The following PLS1 variants were observed in gnomAD, a reference collection of about 807,000 sequenced individuals.
The protein encoded by PLS1 is plastin 1.
In PLS1, 32 loss-of-function variants were observed where a neutral mutation model predicts 73.7. That is an observed-to-expected ratio of 0.43 (90% CI 0.33 to 0.58). The LOEUF is 0.58. Ranked by LOEUF, PLS1 falls within the 20% of genes least tolerant of loss-of-function variation. The pLI is 0.04. For missense variants in PLS1, 633 were observed against 740.5 expected, an observed-to-expected ratio of 0.85 and a Z score of 1.68; for synonymous variants, 217 against 261.3, an observed-to-expected ratio of 0.83 and a Z score of 1.63.
At chr3:142,608,399 A>T (rs1458450821) in intron 1 of PLS1, among the ~76,000 whole-genome samples, 2 of 152,232 alleles carry the variant, frequency 1.3e-5, no homozygotes, top group African/African-American at 4.8e-5. Flanking sequence ...AGAAATTCAC[A>T]TTAACTTTTA....
At chr3:142,625,037 C>T (rs1407687201) in intron 1 of PLS1, among the ~76,000 whole-genome samples, 1 of 152,016 alleles carries the variant, frequency 6.6e-6, no homozygotes, top group Non-Finnish European at 1.5e-5. Context: ...TGCATAGCTA[C>T]AAATGTTACT....
intron 1 of PLS1, among the ~76,000 whole-genome samples, chr3:142,602,500 A>G (rs974098546): frequency 3.9e-5 from 6 of 152,072 alleles, no homozygotes; most frequent in East Asian, 3.9e-4. Context: ...TTCTCCCCCA[A>G]TTTTTAAGAT....
At chr3:142,706,842 G>C (rs1022238667) in intron 14 of PLS1, among the ~76,000 whole-genome samples, 1 of 152,134 alleles carries the variant, frequency 6.6e-6, no homozygotes, top group Non-Finnish European at 1.5e-5. Context: ...TGGGTAACCG[G>C]AAAACAGATA....
At chr3:142,681,049 T>C (rs73002066) in intron 6 of PLS1, among the ~76,000 whole-genome samples, 4,243 of 152,294 alleles carry the variant, frequency 0.028, 204 homozygotes, top group African/African-American at 0.097. Flanking sequence ...GAGTCTTCTA[T>C]AGAAAGCTAG....
chr3:142,611,585 G>A (rs771150262), intron 1 of PLS1, among the ~76,000 whole-genome samples: 1 of 152,108 alleles, frequency 6.6e-6, no homozygotes, highest in Non-Finnish European at 1.5e-5. Context: ...TTGTACCACT[G>A]TACTGCAACC....
intron 15 of PLS1, 79 bp downstream of exon 15, chr3:142,711,704 T>TA: frequency 1.5e-6 from 2 of 1,346,412 alleles, no homozygotes; most frequent in Non-Finnish European, 2.0e-6. Context: ...ACTATGCCCT[T>TA]AAAATTCATA....
intron 1 of PLS1, among the ~76,000 whole-genome samples, chr3:142,606,447 T>G (rs1446905335): frequency 4.6e-5 from 7 of 152,240 alleles, no homozygotes; most frequent in Admixed American, 3.3e-4. Flanking sequence ...ACACATGACA[T>G]TGTTTTTAAA....
chr3:142,693,867 G>A (rs902014128), intron 10 of PLS1, among the ~76,000 whole-genome samples: 1 of 151,980 alleles, frequency 6.6e-6, no homozygotes, highest in Non-Finnish European at 1.5e-5. Flanking sequence ...TGTTCCTTAT[G>A]TATTTTCAGT....
chr3:142,683,066 A>G (rs936551726), intron 6 of PLS1, among the ~76,000 whole-genome samples: 5 of 152,220 alleles, frequency 3.3e-5, no homozygotes, highest in African/African-American at 1.2e-4. Context: ...TCAATAAATC[A>G]CTTCAGCACA....
intron 1 of PLS1, among the ~76,000 whole-genome samples, chr3:142,628,170 T>G (rs1332476486): frequency 1.3e-5 from 2 of 152,196 alleles, no homozygotes; most frequent in Non-Finnish European, 2.9e-5. Flanking sequence ...AGGAGTCAGT[T>G]CGGTTTTTTG....
intron 1 of PLS1, among the ~76,000 whole-genome samples, chr3:142,623,033 G>A (rs1263348410): frequency 6.6e-6 from 1 of 152,028 alleles, no homozygotes; most frequent in Non-Finnish European, 1.5e-5. Flanking sequence ...ATCATAGCAC[G>A]CTACAGCCTT....
intron 1 of PLS1, among the ~76,000 whole-genome samples, chr3:142,662,289 C>T (rs573282501): frequency 6.6e-6 from 1 of 152,282 alleles, no homozygotes; most frequent in Admixed American, 6.5e-5. Context: ...TGGAAACCAT[C>T]ATTCTCAGCA....
chr3:142,602,135 C>G (rs1355015726), intron 1 of PLS1, among the ~76,000 whole-genome samples: 2 of 143,032 alleles, frequency 1.4e-5, no homozygotes, highest in African/African-American at 2.6e-5. Context: ...TCCACTTAGT[C>G]TTTATCTCCT....
chr3:142,644,088 A>T (rs1309810732), intron 1 of PLS1, among the ~76,000 whole-genome samples: 1 of 152,048 alleles, frequency 6.6e-6, no homozygotes, highest in Non-Finnish European at 1.5e-5. Flanking sequence ...TCAGTCTCCC[A>T]AAGTGTTGGG....
intron 3 of PLS1, 63 bp from the exon 4 acceptor site, chr3:142,670,930 T>C (rs1303522035): frequency 9.0e-7 from 1 of 1,111,002 alleles, no homozygotes; most frequent in East Asian, 2.4e-5. Context: ...TGTAAATAAA[T>C]ATCCATTTTG....
chr3:142,630,291 G>A (rs2036526587), intron 1 of PLS1, among the ~76,000 whole-genome samples: 1 of 151,712 alleles, frequency 6.6e-6, no homozygotes, highest in South Asian at 2.1e-4. Flanking sequence ...CGTGGTGGCA[G>A]GTGCCTGTAA....
At chr3:142,608,419 A>G (rs1263815326) in intron 1 of PLS1, among the ~76,000 whole-genome samples, 2 of 152,236 alleles carry the variant, frequency 1.3e-5, no homozygotes, top group Non-Finnish European at 2.9e-5. Flanking sequence ...AGAATTCCAT[A>G]GTACTATGGC....
intron 1 of PLS1, among the ~76,000 whole-genome samples, chr3:142,609,738 T>C (rs1182552102): frequency 6.6e-6 from 1 of 152,254 alleles, no homozygotes; most frequent in Non-Finnish European, 1.5e-5. Flanking sequence ...CAATAATTTA[T>C]GTATAGCTGA....
chr3:142,648,406 T>C (rs1162285944), intron 1 of PLS1, among the ~76,000 whole-genome samples: 2 of 152,154 alleles, frequency 1.3e-5, no homozygotes, highest in Admixed American at 1.3e-4. Context: ...GGCTGTGATC[T>C]CATGAAGGAA....
Sources: allele counts gnomAD v4.1 joint callset (sites outside exome capture counted in the v4.1 genomes callset), GRCh38; gene constraint gnomAD v4.1.1; transcripts MANE v1.5; gene names NCBI Gene and HGNC (gene_info 2026-07-23, HGNC 2026-07-21).